SENP7: variants seen among roughly 807,000 people sequenced by gnomAD.
SENP7 encodes SUMO specific peptidase 7.
Under a neutral mutation model 141.2 loss-of-function variants are expected in SENP7, and 64 were observed. The ratio of observed to expected loss-of-function variants is 0.45; its 90% CI spans 0.37 to 0.56. The LOEUF (loss-of-function observed/expected upper bound fraction) is 0.56, where lower values mean the gene tolerates loss of function less well. SENP7 is among the 20% of genes least tolerant of loss of function. The probability of loss-of-function intolerance (pLI) is 0.00; values close to 1 mark genes in which losing one functional copy is unlikely to be tolerated. For synonymous variants in SENP7, 382 were observed against 426.4 expected (o/e 0.90, Z 1.28); for missense variants, 1,025 against 1,212.2 (o/e 0.85, Z 2.29).
intron 4 of SENP7, among the ~76,000 whole-genome samples, chr3:101,449,976 T>C (rs896802055): frequency 6.6e-6 from 1 of 152,136 alleles, no homozygotes; most frequent in Non-Finnish European, 1.5e-5. Flanking sequence ...CCATTTCACG[T>C]GCAGAGACAC....
intron 6 of SENP7, among the ~76,000 whole-genome samples, chr3:101,389,775 C>A (rs752635615): frequency 2.6e-5 from 4 of 151,960 alleles, no homozygotes; most frequent in Non-Finnish European, 5.9e-5. Context: ...ACTGTCACTA[C>A]AGAAAACCAC....
At chr3:101,391,771 C>A (rs190219325) in intron 6 of SENP7, among the ~76,000 whole-genome samples, 4 of 152,056 alleles carry the variant, frequency 2.6e-5, no homozygotes, top group Non-Finnish European at 5.9e-5. Flanking sequence ...CAAAACTATA[C>A]AAGGACATGA....
intron 4 of SENP7, among the ~76,000 whole-genome samples, chr3:101,451,892 G>A (rs541594754): frequency 7.8e-4 from 119 of 152,282 alleles, no homozygotes; most frequent in African/African-American, 2.8e-3. Context: ...GAAATAAAGG[G>A]TATTCAATTA....
At chr3:101,486,479 G>A (rs553699487) in intron 3 of SENP7, among the ~76,000 whole-genome samples, 7 of 152,276 alleles carry the variant, frequency 4.6e-5, no homozygotes, top group African/African-American at 1.7e-4. Context: ...ACAATTATCA[G>A]ACAAGAATTC....
In SENP7 at chr3:101,330,340, A is replaced by G. The variant is rs775499090; in HGVS notation, c.2745T>C (p.Asp915=). Residue 915 remains aspartate (D), a synonymous_variant, in exon 20 of 24, where the codon GAT becomes GAC. Transcript: ENST00000394095. ...CTGTAAAGAACACACTTACTTGGGA[A>G]TCCTCTGCACTCAAAGACAGTGTCG... ...TTSTLSLSAE[D]SQSTESNMSV... is the part of the protein sequence containing the mutation. 6.2e-7 allele frequency: 1 copy of G among 1,604,618 alleles called. No individual in the cohort carries two copies. Among genetic ancestry groups the G allele is most frequent in the Admixed American group, 1.7e-5 (1 of 59,840 alleles).
intron 3 of SENP7, among the ~76,000 whole-genome samples, chr3:101,479,615 AAAAG>A (rs1424678351): frequency 3.3e-5 from 5 of 151,624 alleles, no homozygotes; most frequent in Admixed American, 1.3e-4. Flanking sequence ...TCAAAAAAAA[AAAAG>A]AAAGACTCAG....
At chr3:101,327,607 T>G (rs2107180403) in intron 23 of SENP7, 59 bp downstream of exon 23, 2 of 1,346,086 alleles carry the variant, frequency 1.5e-6, no homozygotes, top group South Asian at 2.9e-5. Flanking sequence ...TTACACCCAG[T>G]AACTTGTGAC....
intron 4 of SENP7, among the ~76,000 whole-genome samples, chr3:101,433,862 C>T (rs1236029241): frequency 6.6e-6 from 1 of 152,016 alleles, no homozygotes. Flanking sequence ...GACAGATCTT[C>T]CAGACAGAAA....
At position 101,505,314 on chromosome 3, in the gene SENP7, A is replaced by C. The variant is rs371315231; in HGVS notation, c.41-4195T>G. Among the ~76,000 whole-genome samples the C allele has an allele frequency of 1.7e-3, 262 of 152,334 alleles. 6 individuals carry two copies. In the South Asian group the frequency reaches 0.024, roughly 14 times the overall value. Reference sequence around the variant, plus strand: ...CCACCACACAATATACCCATATAACAAAGCTGTACTTGTAACCCTTAAATT... The same window carrying C: ...CCACCACACAATATACCCATATAACCAAGCTGTACTTGTAACCCTTAAATT... On this transcript the variant is annotated intron_variant, in intron 1 of 23. Coordinates refer to ENST00000394095, the MANE Select transcript of SENP7 (RefSeq NM_020654.5).
In SENP7 at chr3:101,328,534, A is replaced by G. The variant is rs537502692; in HGVS notation, c.2808T>C (p.Leu936=). The stretch of plus-strand genomic sequence containing the variant: ...AAGCAGCTTTCAAGGAGTCTAGTAT[A>G]AGAATACATGGCCTATGAAAAGCAA... The part of the protein sequence containing the change: ...PKKMCKRPCI[L]ILDSLKAASV... The change falls in exon 22 of 24, where the codon CTT becomes CTC. Residue 936 remains leucine (L), a synonymous_variant. Transcript: ENST00000394095. The G allele has an allele frequency of 9.3e-6, 15 of 1,612,396 alleles. No homozygotes were observed. The highest frequency in any genetic ancestry group is 4.0e-5 in the African/African-American group (3 of 74,848).
chr3:101,505,690 A>G (rs1559924079), intron 1 of SENP7, among the ~76,000 whole-genome samples: 1 of 152,190 alleles, frequency 6.6e-6, no homozygotes, highest in Non-Finnish European at 1.5e-5. Context: ...TTAAAGCTAG[A>G]CAACCTAAAT....
chr3:101,438,604 T>G (rs2062481933), intron 4 of SENP7, among the ~76,000 whole-genome samples: 1 of 152,156 alleles, frequency 6.6e-6, no homozygotes, highest in Non-Finnish European at 1.5e-5. Context: ...TAAAAAAACT[T>G]TAGAGTCTTA....
chr3:101,369,734 T>C (rs1379060159), intron 7 of SENP7, among the ~76,000 whole-genome samples: 1 of 152,188 alleles, frequency 6.6e-6, no homozygotes, highest in African/African-American at 2.4e-5. Flanking sequence ...AGGAGTTTTC[T>C]TTTAAACAAT....
intron 5 of SENP7, among the ~76,000 whole-genome samples, chr3:101,401,551 G>GA (rs573552556): frequency 2.7e-5 from 4 of 149,148 alleles, no homozygotes; most frequent in Non-Finnish European, 4.5e-5. Context: ...GAAAAAAAAG[G>GA]AAAAAAAAGT....
intron 13 of SENP7, chr3:101,347,409 T>G (rs1343416548): frequency 6.6e-6 from 1 of 152,010 alleles, no homozygotes; most frequent in Non-Finnish European, 1.5e-5. Context: ...GTGAATTAAA[T>G]AATCTATCCT....
chr3:101,443,537 G>C (rs1364716336), intron 4 of SENP7, among the ~76,000 whole-genome samples: 1 of 151,644 alleles, frequency 6.6e-6, no homozygotes, highest in Non-Finnish European at 1.5e-5. Context: ...AAATTACCTT[G>C]GGCGGTATGG....
At chr3:101,342,530 A>C (rs1448729375) in intron 14 of SENP7, among the ~76,000 whole-genome samples, 1 of 152,218 alleles carries the variant, frequency 6.6e-6, no homozygotes, top group Non-Finnish European at 1.5e-5. Flanking sequence ...TAATACAATG[A>C]CCAAAACTAA....
intron 6 of SENP7, among the ~76,000 whole-genome samples, chr3:101,391,354 A>C (rs1240760732): frequency 6.6e-6 from 1 of 152,004 alleles, no homozygotes; most frequent in Non-Finnish European, 1.5e-5. Flanking sequence ...GATTAAAAAA[A>C]AAAACAAGAA....
intron 11 of SENP7, among the ~76,000 whole-genome samples, chr3:101,359,812 T>C (rs1287583985): frequency 1.3e-5 from 2 of 152,128 alleles, no homozygotes; most frequent in African/African-American, 4.8e-5. Flanking sequence ...TAGGCAAGAT[T>C]ATATGTGTTT....
Sources: gnomAD v4.1 joint callset for allele counts (sites outside exome capture counted in the v4.1 genomes callset) on GRCh38, gnomAD v4.1.1 for gene constraint, MANE v1.5 for transcripts, NCBI Gene and HGNC (gene_info 2026-07-23, HGNC 2026-07-21) for gene names.